Variants in CAB39 observed in about 807,000 individuals in gnomAD.
CAB39 encodes calcium binding protein 39.
CAB39 carries 8 observed loss-of-function variants against 40.0 expected under a neutral mutation model. The ratio of observed to expected loss-of-function variants is 0.20; its 90% CI spans 0.12 to 0.36. CAB39 has a LOEUF of 0.36. CAB39 is among the 10% of genes least tolerant of loss of function. The pLI is 1.00. For synonymous variants in CAB39, 156 were observed against 141.6 expected (o/e 1.10, Z -0.72); for missense variants, 270 against 401.1 (o/e 0.67, Z 2.79).
chr2:230,792,010 A>C (rs1475567593), intron 3 of CAB39, among the ~76,000 whole-genome samples: 1 of 152,238 alleles, frequency 6.6e-6, no homozygotes, highest in Non-Finnish European at 1.5e-5. Context: ...TACATGTTCC[A>C]GAGGAGAAAA....
intron 4 of CAB39, among the ~76,000 whole-genome samples, chr2:230,798,331 T>C (rs1696027090): frequency 6.6e-6 from 1 of 152,212 alleles, no homozygotes; most frequent in East Asian, 1.9e-4. Flanking sequence ...TGGGGAAATA[T>C]TTTGTTTTCT....
intron 1 of CAB39, among the ~76,000 whole-genome samples, chr2:230,724,638 G>A (rs1193781766): frequency 2.2e-5 from 3 of 135,256 alleles, no homozygotes; most frequent in South Asian, 2.3e-4. Context: ...CCAAGATCGC[G>A]CCATTGCACT....
chr2:230,818,056 G>A, intron 8 of CAB39, 159 bp downstream of exon 8: 2 of 642,086 alleles, frequency 3.1e-6, no homozygotes, highest in Non-Finnish European at 5.2e-6. Flanking sequence ...TAAACAGAAA[G>A]GTAGACCTGG....
intron 1 of CAB39, among the ~76,000 whole-genome samples, chr2:230,732,721 C>T (rs1238255207): frequency 1.3e-5 from 2 of 152,064 alleles, no homozygotes; most frequent in Non-Finnish European, 2.9e-5. Context: ...TCAGCCTGTT[C>T]TGATTATTCA....
At chr2:230,738,098 A>G (rs1321752318) in intron 1 of CAB39, among the ~76,000 whole-genome samples, 4 of 152,088 alleles carry the variant, frequency 2.6e-5, no homozygotes, top group Non-Finnish European at 5.9e-5. Context: ...CCCTTATCCA[A>G]ATTTTTCATT....
chr2:230,785,251 A>G (rs1175762557), intron 2 of CAB39, among the ~76,000 whole-genome samples: 1 of 152,206 alleles, frequency 6.6e-6, no homozygotes, highest in Non-Finnish European at 1.5e-5. Flanking sequence ...CATGCAGGTC[A>G]GTGACTAGCC....
chr2:230,749,972 C>G (rs1695057772), intron 1 of CAB39, among the ~76,000 whole-genome samples: 1 of 152,152 alleles, frequency 6.6e-6, no homozygotes, highest in South Asian at 2.1e-4. Flanking sequence ...TAGCTAGTTT[C>G]ATGATATTTG....
chr2:230,811,304 G>T (rs1215711763), intron 6 of CAB39, among the ~76,000 whole-genome samples: 1 of 152,052 alleles, frequency 6.6e-6, no homozygotes, highest in African/African-American at 2.4e-5. Flanking sequence ...TTCTTTTGTG[G>T]GTTTTTTTCC....
intron 1 of CAB39, among the ~76,000 whole-genome samples, chr2:230,759,517 A>T (rs1376445188): frequency 6.6e-6 from 1 of 152,216 alleles, no homozygotes; most frequent in Non-Finnish European, 1.5e-5. Context: ...ACCACTTAGT[A>T]CCTTGAGCCT....
chr2:230,791,050 T>C lies in CAB39; in HGVS notation c.279+14T>C. On this transcript the variant is annotated intron_variant, in intron 3 of 8. Coordinates refer to ENST00000258418, the MANE Select transcript of CAB39 (RefSeq NM_016289.4). ...ATTGACTTTGAGGTAAGAAATCAAT[T>C]TCTTATTTTTAAAAAACAGTACCCT... 1 of 1,560,746 alleles carries C rather than the reference T, an allele frequency of 6.4e-7. No homozygotes were observed. The highest frequency in any genetic ancestry group is 8.7e-7 in the Non-Finnish European group (1 of 1,153,688).
chr2:230,765,211 G>T (rs960266039), intron 2 of CAB39, among the ~76,000 whole-genome samples: 1 of 152,098 alleles, frequency 6.6e-6, no homozygotes, highest in Non-Finnish European at 1.5e-5. Context: ...GGATGGTCTC[G>T]ATCTCCTGAC....
intron 1 of CAB39, among the ~76,000 whole-genome samples, chr2:230,751,382 C>A (rs905568583): frequency 3.3e-5 from 5 of 152,160 alleles, no homozygotes; most frequent in African/African-American, 1.2e-4. Flanking sequence ...ACTCTTGATG[C>A]CTTAAGTTTG....
chr2:230,728,204 C>A (rs1694621991), intron 1 of CAB39, among the ~76,000 whole-genome samples: 1 of 151,964 alleles, frequency 6.6e-6, no homozygotes, highest in Non-Finnish European at 1.5e-5. Context: ...CACCACTGCA[C>A]TCCAGCATGG....
chr2:230,759,758 A>T (rs922503752), intron 1 of CAB39, among the ~76,000 whole-genome samples: 1 of 152,210 alleles, frequency 6.6e-6, no homozygotes, highest in Admixed American at 6.5e-5. Context: ...TGTTTTGAAA[A>T]ATACAGTGTT....
rs531768138 is a variant in CAB39, at chr2:230,731,405, C to G, written c.-44+18175C>G. Among the ~76,000 whole-genome samples the G allele has an allele frequency of 5.1e-4, 77 of 152,310 alleles. 1 individual carries two copies. The highest frequency in any genetic ancestry group is 1.7e-3 in the African/African-American group (69 of 41,578). ...AAATAAAATTCCTTTTTCATTCTTA[C>G]TACAAGTGATCTTCGGTGTCTTAAA... On this transcript the variant is annotated intron_variant, in intron 1 of 8. Coordinates refer to ENST00000258418, the MANE Select transcript of CAB39 (RefSeq NM_016289.4).
chr2:230,811,923 C>A lies in CAB39; in HGVS notation c.627+1601C>A, dbSNP rs1034109769. 2.6e-5 allele frequency among the ~76,000 whole-genome samples: 4 copies of A among 152,160 alleles called. No homozygotes were observed. The East Asian group carries it at 7.7e-4, about 29-fold the overall frequency. ...CCTACATGTTGTTAATAGATGACAT[C>A]AGTTAACAGGATTTTAGAAGAACAT... On this transcript the variant is annotated intron_variant, in intron 6 of 8. Coordinates refer to ENST00000258418, the MANE Select transcript of CAB39 (RefSeq NM_016289.4).
chr2:230,806,696 C>T (rs1696201319), intron 5 of CAB39, among the ~76,000 whole-genome samples: 1 of 152,132 alleles, frequency 6.6e-6, no homozygotes, highest in Non-Finnish European at 1.5e-5. Context: ...TCTGATGGTT[C>T]CTGGCATAGT....
At chr2:230,761,538 G>A (rs1695290998) in intron 2 of CAB39, among the ~76,000 whole-genome samples, 1 of 152,038 alleles carries the variant, frequency 6.6e-6, no homozygotes, top group African/African-American at 2.4e-5. Flanking sequence ...ATTTGATTTG[G>A]GATTTCTGTC....
chr2:230,781,101 G>T (rs575840157), intron 2 of CAB39, among the ~76,000 whole-genome samples: 2 of 151,936 alleles, frequency 1.3e-5, no homozygotes, highest in African/African-American at 4.8e-5. Flanking sequence ...AAATTATCTC[G>T]GGGGAACTGA....
Sources: allele counts gnomAD v4.1 joint callset (sites outside exome capture counted in the v4.1 genomes callset), GRCh38; gene constraint gnomAD v4.1.1; transcripts MANE v1.5; gene names NCBI Gene and HGNC (gene_info 2026-07-23, HGNC 2026-07-21).